SYN2: variants seen among roughly 807,000 people sequenced by gnomAD.
SYN2 encodes the protein synapsin II.
SYN2 carries 19 observed loss-of-function variants against 50.9 expected under a neutral mutation model. The ratio of observed to expected loss-of-function variants is 0.37; its 90% CI spans 0.26 to 0.55. The LOEUF is 0.55. SYN2 is among the 20% of genes least tolerant of loss of function. The probability of loss-of-function intolerance (pLI) is 0.81; values close to 1 mark genes in which losing one functional copy is unlikely to be tolerated. For missense variants in SYN2, 587 were observed against 576.4 expected, an observed-to-expected ratio of 1.02 and a Z score of -0.19; for synonymous variants, 255 against 224.9, an observed-to-expected ratio of 1.13 and a Z score of -1.20.
At chr3:12,162,987 T>A (rs1697690302) in intron 7 of SYN2, among the ~76,000 whole-genome samples, 1 of 152,134 alleles carries the variant, frequency 6.6e-6, no homozygotes, top group Non-Finnish European at 1.5e-5. Context: ...ATGCCTGTAA[T>A]CCCAGCACTT....
intron 5 of SYN2, chr3:12,156,810 T>G (rs1390002895): frequency 6.2e-7 from 1 of 1,609,932 alleles, no homozygotes; most frequent in Non-Finnish European, 8.5e-7. Flanking sequence ...TTGTTGGTCT[T>G]TTAACTTACC....
At chr3:12,158,817 C>T (rs377149516) in intron 5 of SYN2, 16 of 1,595,978 alleles carry the variant, frequency 1.0e-5, no homozygotes, top group African/African-American at 6.7e-5. Context: ...CCCAGCTTGG[C>T]GCGGGCCGAG....
rs1398140409 is a variant in SYN2 at position 12,153,362 on chromosome 3, C to T, written c.774+2036C>T. ...GGGCAGGGCAGAAAAGTCATGGCCC[C>T]TTCCCTGCCTTGACAGTGGCCAGAC... On this transcript the variant is annotated intron_variant, in intron 5 of 12. Transcript: ENST00000621198. 4 of 885,462 alleles carry T rather than the reference C, an allele frequency of 4.5e-6. No homozygotes were observed. The South Asian group carries it at 4.7e-5, about 10-fold the overall frequency. The allele number at this position is 885,462 out of a possible 1,614,324, so 54.9% of individuals were successfully genotyped here.
chr3:12,043,026 T>C (rs307580), intron 1 of SYN2, among the ~76,000 whole-genome samples: 94,872 of 148,452 alleles, frequency 0.64, 32,536 homozygotes, highest in South Asian at 0.78. Flanking sequence ...TCTTTTCTCT[T>C]TTTTTTTTTT....
At chr3:12,174,259 CT>C (rs36051687) in intron 10 of SYN2, among the ~76,000 whole-genome samples, 152,190 of 152,190 alleles carry the variant, frequency 1, 76,095 homozygotes, top group Non-Finnish European at 1. Flanking sequence ...GACATCCTTA[CT>C]TTGCATATCT....
intron 1 of SYN2, among the ~76,000 whole-genome samples, chr3:12,132,363 T>C (rs1379119234): frequency 3.3e-5 from 5 of 152,226 alleles, no homozygotes; most frequent in Non-Finnish European, 7.3e-5. Flanking sequence ...TGCCACCTTC[T>C]AACTGCTACC....
chr3:12,064,544 A>T (rs995370389), intron 1 of SYN2, among the ~76,000 whole-genome samples: 1 of 152,134 alleles, frequency 6.6e-6, no homozygotes, highest in African/African-American at 2.4e-5. Context: ...ATAAAGAGAC[A>T]ACCCATATTT....
chr3:12,008,608 T>TAGTG lies in SYN2; in HGVS notation c.377+3681_377+3684dup, dbSNP rs1693849760. On this transcript the variant is annotated intron_variant, in intron 1 of 12. Coordinates refer to ENST00000621198, the MANE Select transcript of SYN2 (RefSeq NM_133625.6). ...TGCACTTAGCTGAAGGATATGCCAT[T>TAGTG]AGTGCTAAGGGTATGGCAATAACAC... Among the ~76,000 whole-genome samples, 4 of 152,196 alleles carry TAGTG rather than the reference T, an allele frequency of 2.6e-5. No individual in the cohort carries two copies. In the South Asian group the frequency reaches 8.3e-4, roughly 31 times the overall value.
chr3:12,054,104 A>G (rs1694936473), intron 1 of SYN2, among the ~76,000 whole-genome samples: 1 of 152,178 alleles, frequency 6.6e-6, no homozygotes, highest in South Asian at 2.1e-4. Flanking sequence ...CAGGCAGTGA[A>G]GAGATAACAA....
intron 10 of SYN2, among the ~76,000 whole-genome samples, chr3:12,176,177 C>T (rs1306204075): frequency 6.6e-6 from 1 of 152,180 alleles, no homozygotes; most frequent in Non-Finnish European, 1.5e-5. Flanking sequence ...TGAGCTGGGC[C>T]TTGCATCCTA....
At chr3:12,066,747 G>A (rs1173573189) in intron 1 of SYN2, among the ~76,000 whole-genome samples, 2 of 152,152 alleles carry the variant, frequency 1.3e-5, no homozygotes, top group Non-Finnish European at 1.5e-5. Flanking sequence ...CTTTACAAGT[G>A]TATTAGTCCG....
At chr3:12,114,139 A>G (rs961502253) in intron 1 of SYN2, among the ~76,000 whole-genome samples, 7 of 149,992 alleles carry the variant, frequency 4.7e-5, no homozygotes, top group Admixed American at 2.0e-4. Flanking sequence ...TATTGTAGCT[A>G]TACTAGTGGT....
chr3:12,070,282 G>A, intron 1 of SYN2: 1 of 487,786 alleles, frequency 2.1e-6, no homozygotes, highest in South Asian at 1.6e-5. Flanking sequence ...GTACAAAGCT[G>A]GATTTGCTGG....
chr3:12,056,146 T>G (rs1391216473), intron 1 of SYN2, among the ~76,000 whole-genome samples: 1 of 151,856 alleles, frequency 6.6e-6, no homozygotes, highest in Admixed American at 6.6e-5. Flanking sequence ...TTAAAAGAGA[T>G]TTGGAAGACA....
intron 1 of SYN2, among the ~76,000 whole-genome samples, chr3:12,053,449 CA>C (rs1006803792): frequency 1.3e-5 from 2 of 149,334 alleles, no homozygotes; most frequent in African/African-American, 2.6e-5. Flanking sequence ...CAAAACAAAA[CA>C]AAAAAATATA....
intron 1 of SYN2, among the ~76,000 whole-genome samples, chr3:12,102,872 T>C (rs1295652325): frequency 1.3e-5 from 2 of 152,092 alleles, no homozygotes; most frequent in Non-Finnish European, 2.9e-5. Flanking sequence ...GATACAGACA[T>C]ATAATGAACT....
At chr3:12,095,695 G>C (rs1695918069) in intron 1 of SYN2, among the ~76,000 whole-genome samples, 1 of 148,348 alleles carries the variant, frequency 6.7e-6, no homozygotes, top group African/African-American at 2.5e-5. Context: ...CTTGGTGGCT[G>C]CTCTTTTTTA....
At chr3:12,040,069 T>C (rs1214348112) in intron 1 of SYN2, among the ~76,000 whole-genome samples, 1 of 152,170 alleles carries the variant, frequency 6.6e-6, no homozygotes, top group Non-Finnish European at 1.5e-5. Context: ...GTATGCTGAT[T>C]TGGGACATAA....
intron 1 of SYN2, among the ~76,000 whole-genome samples, chr3:12,108,516 G>T (rs897050240): frequency 5.3e-5 from 8 of 152,172 alleles, no homozygotes; most frequent in Non-Finnish European, 1.2e-4. Context: ...AGATAGGAGT[G>T]GGAAGAGGGC....
Sources: gnomAD v4.1 joint callset for allele counts (sites outside exome capture counted in the v4.1 genomes callset) on GRCh38, gnomAD v4.1.1 for gene constraint, MANE v1.5 for transcripts, NCBI Gene and HGNC (gene_info 2026-07-23, HGNC 2026-07-21) for gene names.